Variants in EYS observed in about 807,000 individuals in gnomAD.
EYS encodes protein eyes shut homolog.
EYS carries 250 observed loss-of-function variants against 282.1 expected under a neutral mutation model. The observed-to-expected ratio is 0.89, with a 90% CI of 0.80 to 0.98. EYS has a LOEUF of 0.98. EYS is among the 50% of genes least tolerant of loss of function. The pLI, the probability that EYS is intolerant of heterozygous loss-of-function variation, is 0.00. For missense variants in EYS, 4,016 were observed against 3,709.0 expected (o/e 1.08, Z -2.15); for synonymous variants, 1,355 against 1,282.9 (o/e 1.06, Z -1.20).
At chr6:63,925,564 T>TG (rs1258335159) in intron 35 of EYS, among the ~76,000 whole-genome samples, 2 of 152,256 alleles carry the variant, frequency 1.3e-5, no homozygotes, top group Non-Finnish European at 2.9e-5. Context: ...AGGATACATG[T>TG]GCAGAACATG....
chr6:65,637,676 AG>A (rs1368347116), intron 2 of EYS, among the ~76,000 whole-genome samples: 1 of 152,190 alleles, frequency 6.6e-6, no homozygotes, highest in Non-Finnish European at 1.5e-5. Context: ...TCTGGCATGG[AG>A]CAAAGTTGTA....
chr6:64,562,967 T>C lies in EYS; in HGVS notation c.5644+27256A>G, dbSNP rs1765446819. ...AACTGTCAATGGTAAAACTCAGTATTCTGACAATAAATTCATGCAATATGC... is the reference window on the plus strand; with the variant it reads ...AACTGTCAATGGTAAAACTCAGTATCCTGACAATAAATTCATGCAATATGC... On this transcript the variant is annotated intron_variant, in intron 26 of 42. Coordinates refer to ENST00000503581, the MANE Select transcript of EYS (RefSeq NM_001142800.2). Among the ~76,000 whole-genome samples the C allele has an allele frequency of 1.3e-5, 2 of 152,066 alleles. 1 individual carries two copies. Among genetic ancestry groups the C allele is most frequent in the South Asian group, 4.1e-4 (2 of 4,828 alleles).
Position 64,536,415 on chromosome 6 carries a change from C to A in EYS, c.5644+53808G>T, listed in dbSNP as rs1265124346. 1.2e-4 allele frequency among the ~76,000 whole-genome samples: 18 copies of A among 152,160 alleles called. 1 individual carries two copies. The highest frequency in any genetic ancestry group is 1.2e-3 in the Admixed American group (18 of 15,274). The stretch of plus-strand genomic sequence containing the variant: ...TTATTCAGTGATGGTAACTTCACAA[C>A]ATTATGACGACAATTACAGGTACTC... On this transcript the variant is annotated intron_variant, in intron 26 of 42. Coordinates refer to ENST00000503581, the MANE Select transcript of EYS (RefSeq NM_001142800.2).
chr6:65,269,392 T>C (rs1767839728), intron 12 of EYS, among the ~76,000 whole-genome samples: 1 of 152,132 alleles, frequency 6.6e-6, no homozygotes, highest in African/African-American at 2.4e-5. Context: ...ATAAGGGGGA[T>C]GTCATCTCCA....
At chr6:64,971,217 G>C (rs1333671908) in intron 14 of EYS, among the ~76,000 whole-genome samples, 1 of 151,952 alleles carries the variant, frequency 6.6e-6, no homozygotes, top group Non-Finnish European at 1.5e-5. Flanking sequence ...GGCAGCAGCA[G>C]AGTTCCCAGA....
chr6:65,199,679 G>C (rs942245824), intron 12 of EYS, among the ~76,000 whole-genome samples: 3 of 152,056 alleles, frequency 2.0e-5, no homozygotes, highest in Admixed American at 6.6e-5. Context: ...TAAAAATACT[G>C]AATCATCTGA....
intron 10 of EYS, among the ~76,000 whole-genome samples, chr6:65,336,670 T>A (rs1193086721): frequency 6.6e-6 from 1 of 151,606 alleles, no homozygotes; most frequent in Non-Finnish European, 1.5e-5. Flanking sequence ...GAACTGATAG[T>A]AAAGCTTTAC....
chr6:64,042,749 C>T (rs961289911), intron 33 of EYS, among the ~76,000 whole-genome samples: 19 of 152,154 alleles, frequency 1.2e-4, no homozygotes, highest in Non-Finnish European at 2.4e-4. Flanking sequence ...ACTTAAGATA[C>T]TCTTCCTGAT....
At chr6:65,057,818 A>G (rs1773462748) in intron 12 of EYS, 91 bp from the exon 13 acceptor site, 1 of 857,606 alleles carries the variant, frequency 1.2e-6, no homozygotes, top group South Asian at 1.5e-5. Context: ...CCTTTAATCC[A>G]CTTAGGATGA....
At chr6:63,889,370 A>G (rs1443195956) in intron 35 of EYS, among the ~76,000 whole-genome samples, 1 of 152,218 alleles carries the variant, frequency 6.6e-6, no homozygotes, top group Non-Finnish European at 1.5e-5. Flanking sequence ...AAGGGGAGCC[A>G]GAGAGAAAGG....
intron 13 of EYS, among the ~76,000 whole-genome samples, chr6:65,044,918 T>C (rs1028025475): frequency 1.3e-5 from 2 of 151,856 alleles, no homozygotes; most frequent in Admixed American, 1.3e-4. Context: ...ATTGCAGCTT[T>C]CTCCTATTGT....
At chr6:64,532,098 T>G (rs1764361000) in intron 26 of EYS, among the ~76,000 whole-genome samples, 2 of 152,160 alleles carry the variant, frequency 1.3e-5, no homozygotes, top group Admixed American at 1.3e-4. Context: ...AAATATCTCT[T>G]GAGGTTCAGA....
At chr6:65,453,248 G>A (rs1715720929) in intron 5 of EYS, among the ~76,000 whole-genome samples, 1 of 151,950 alleles carries the variant, frequency 6.6e-6, no homozygotes, top group Non-Finnish European at 1.5e-5. Flanking sequence ...ATTGCACCAT[G>A]TATAGAGGAG....
chr6:65,687,181 A>T (rs756890085), intron 1 of EYS, among the ~76,000 whole-genome samples: 6 of 152,102 alleles, frequency 3.9e-5, no homozygotes, highest in Admixed American at 6.6e-5. Flanking sequence ...AAAAAATGCA[A>T]CTGAATAATT....
intron 26 of EYS, among the ~76,000 whole-genome samples, chr6:64,531,101 A>G (rs928959702): frequency 6.6e-6 from 1 of 152,198 alleles, no homozygotes; most frequent in Non-Finnish European, 1.5e-5. Context: ...TCAAGAAACA[A>G]GAGAAACCAG....
At chr6:65,206,178 C>T (rs1340096981) in intron 12 of EYS, among the ~76,000 whole-genome samples, 3 of 151,638 alleles carry the variant, frequency 2.0e-5, no homozygotes, top group African/African-American at 7.3e-5. Context: ...CAGATAAGCA[C>T]AATCATAAAT....
intron 30 of EYS, among the ~76,000 whole-genome samples, chr6:64,256,013 C>T (rs139518518): frequency 1.8e-3 from 273 of 152,068 alleles, no homozygotes; most frequent in African/African-American, 6.0e-3. Flanking sequence ...ACTGATTCAG[C>T]AATGAATATC....
intron 12 of EYS, among the ~76,000 whole-genome samples, chr6:65,133,624 C>T (rs886392532): frequency 1.3e-5 from 2 of 151,878 alleles, no homozygotes; most frequent in African/African-American, 4.8e-5. Flanking sequence ...AATCAACACA[C>T]GATGGATTAA....
intron 41 of EYS, among the ~76,000 whole-genome samples, chr6:63,755,389 C>A (rs1769452430): frequency 6.6e-6 from 1 of 152,154 alleles, no homozygotes; most frequent in Non-Finnish European, 1.5e-5. Flanking sequence ...AATAGGGAAT[C>A]CTTTCCCCAT....
Sources: gnomAD v4.1 joint callset for allele counts (sites outside exome capture counted in the v4.1 genomes callset) on GRCh38, gnomAD v4.1.1 for gene constraint, MANE v1.5 for transcripts, NCBI Gene and HGNC (gene_info 2026-07-23, HGNC 2026-07-21) for gene names.